PHF20L1: variants seen among roughly 807,000 people sequenced by gnomAD.
PHF20L1 encodes the protein PHD finger protein 20 like 1, also known as PHD finger protein 20-like protein 1.
Under a neutral mutation model 125.5 loss-of-function variants are expected in PHF20L1, and 44 were observed. The observed-to-expected ratio is 0.35, with a 90% CI of 0.28 to 0.45. The LOEUF (loss-of-function observed/expected upper bound fraction) is 0.45. Ranked by LOEUF, PHF20L1 falls within the 20% of genes least tolerant of loss-of-function variation. PHF20L1 has a pLI of 1.00. For synonymous variants in PHF20L1, 380 were observed against 403.1 expected (o/e 0.94, Z 0.69); for missense variants, 1,012 against 1,217.2 (o/e 0.83, Z 2.51).
intron 14 of PHF20L1, among the ~76,000 whole-genome samples, chr8:132,829,447 G>C (rs974354581): frequency 6.6e-6 from 1 of 152,078 alleles, no homozygotes; most frequent in Non-Finnish European, 1.5e-5. Context: ...TCATTGTAAA[G>C]TACTTGATAC....
At chr8:132,824,784 A>T (rs1486475094) in intron 13 of PHF20L1, 1 of 188,580 alleles carries the variant, frequency 5.3e-6, no homozygotes, top group African/African-American at 2.3e-5. Context: ...CACACAAAGA[A>T]TGTAAATAAA....
At chr8:132,788,078 T>C (rs1387201100) in intron 2 of PHF20L1, among the ~76,000 whole-genome samples, 1 of 152,126 alleles carries the variant, frequency 6.6e-6, no homozygotes, top group Non-Finnish European at 1.5e-5. Context: ...GTTTAAGTCA[T>C]ATTTTAGGTG....
chr8:132,802,793 G>A (rs572448386), intron 6 of PHF20L1, among the ~76,000 whole-genome samples: 18 of 151,624 alleles, frequency 1.2e-4, no homozygotes, highest in African/African-American at 1.7e-4. Context: ...TTTTATTAAC[G>A]TATTTTGCTT....
At chr8:132,831,752 A>G (rs1836803742) in intron 14 of PHF20L1, among the ~76,000 whole-genome samples, 2 of 152,022 alleles carry the variant, frequency 1.3e-5, no homozygotes, top group Non-Finnish European at 2.9e-5. Context: ...TTACACAGGT[A>G]AATGTGTGCC....
chr8:132,803,748 T>C lies in PHF20L1; in HGVS notation c.508-71T>C, dbSNP rs755835813. On this transcript the variant is annotated intron_variant, in intron 6 of 20. Coordinates refer to ENST00000395386, the MANE Select transcript of PHF20L1 (RefSeq NM_016018.5). Reference sequence around the variant, plus strand: ...AAAGTAGCTTTGAAAATGTGACACATATTTTTATTAGTGTAATTACATTTT... The same window carrying C: ...AAAGTAGCTTTGAAAATGTGACACACATTTTTATTAGTGTAATTACATTTT... 63 of 784,218 alleles carry C rather than the reference T, an allele frequency of 8.0e-5. No homozygotes were observed. The African/African-American group carries it at 1.1e-3, about 13-fold the overall frequency. 48.6% of individuals were successfully genotyped at this position (784,218 alleles called of 1,614,324 possible).
At position 132,843,537 on chromosome 8, in the gene PHF20L1, G is replaced by T. The variant is rs559545837; in HGVS notation, c.2749-619G>T. The T allele has an allele frequency of 4.1e-6, 4 of 984,332 alleles. No individual in the cohort carries two copies. In the South Asian group the frequency reaches 1.4e-4, roughly 35 times the overall value. 61.0% of individuals were successfully genotyped at this position (984,332 alleles called of 1,614,324 possible). ...TGTATTTCGTATCATAAAGTTTGTGGTAAGTTATTTTGTTTAATTAATATC... is the reference window on the plus strand; with the variant it reads ...TGTATTTCGTATCATAAAGTTTGTGTTAAGTTATTTTGTTTAATTAATATC... On this transcript the variant is annotated intron_variant, in intron 19 of 20. Transcript: ENST00000395386.
chr8:132,835,787 C>A (rs1163228969), intron 15 of PHF20L1, among the ~76,000 whole-genome samples: 1 of 152,014 alleles, frequency 6.6e-6, no homozygotes, highest in Non-Finnish European at 1.5e-5. Context: ...TTGGTTTTCC[C>A]ACTCCATGGC....
chr8:132,842,553 C>G lies in PHF20L1; in HGVS notation c.2426C>G (p.Ser809Cys), dbSNP rs1254935497. 1 of 1,609,744 alleles carries G rather than the reference C, an allele frequency of 6.2e-7. No individual in the cohort carries two copies. Among genetic ancestry groups the G allele is most frequent in the East Asian group, 2.2e-5 (1 of 44,800 alleles). ...HHPDLHLWAC[S>C]GKRKDQDQII... ...CCTGACCTTCATCTCTGGGCTTGTT[C>G]CGGGAAGCGAAAAGACCAAGATCAA... The change falls in exon 19 of 21, where the codon TCC becomes TGC. Residue 809 changes from serine to cysteine, a missense_variant. Coordinates refer to ENST00000395386, the MANE Select transcript of PHF20L1 (RefSeq NM_016018.5).
intron 2 of PHF20L1, among the ~76,000 whole-genome samples, chr8:132,788,584 A>G (rs1360416197): frequency 2.2e-5 from 3 of 135,818 alleles, no homozygotes; most frequent in Non-Finnish European, 4.8e-5. Flanking sequence ...TTCCCTTGTC[A>G]TTTTCTCATG....
chr8:132,845,121 A>G (rs1305616861), intron 20 of PHF20L1, among the ~76,000 whole-genome samples: 1 of 152,040 alleles, frequency 6.6e-6, no homozygotes, highest in Non-Finnish European at 1.5e-5. Flanking sequence ...TTTTGAGTCC[A>G]TGTTTGAAGA....
chr8:132,840,105 T>G (rs1837779136), intron 18 of PHF20L1, among the ~76,000 whole-genome samples: 1 of 152,106 alleles, frequency 6.6e-6, no homozygotes, highest in South Asian at 2.1e-4. Flanking sequence ...ATTCTTGAAG[T>G]CCTTATTTCC....
At chr8:132,796,688 GTACACT>G (rs1044978567) in intron 4 of PHF20L1, among the ~76,000 whole-genome samples, 27 of 152,090 alleles carry the variant, frequency 1.8e-4, no homozygotes, top group African/African-American at 6.3e-4. Flanking sequence ...GTATTTCCCT[GTACACT>G]TACACTTCTG....
chr8:132,804,566 T>C (rs554363578), intron 7 of PHF20L1, 49 bp from the exon 8 acceptor site: 1 of 1,474,544 alleles, frequency 6.8e-7, no homozygotes, highest in East Asian at 2.3e-5. Context: ...TCATGTGTTT[T>C]AATTTGGATT....
chr8:132,811,382 G>T (rs1415941260), intron 9 of PHF20L1: 2 of 1,150,064 alleles, frequency 1.7e-6, no homozygotes, highest in Admixed American at 8.6e-5. Context: ...GCATCCCAGG[G>T]TATAAGCTTC....
rs771556055 is a variant in PHF20L1, at chr8:132,814,690, T to G, written c.984T>G (p.Ser328Arg). The G allele has an allele frequency of 6.2e-7, 1 of 1,611,866 alleles. No individual in the cohort carries two copies. The highest frequency in any genetic ancestry group is 8.5e-7 in the Non-Finnish European group (1 of 1,178,484). The change falls in exon 10 of 21, where the codon AGT becomes AGG. Residue 328 changes from serine (S) to arginine (R), a missense_variant. Transcript: ENST00000395386. ...AAAAAAATGAAGCTGACATTAGCAGTTCTGCCAACACTCAGAAACCTGCAC... is the reference window on the plus strand; with the variant it reads ...AAAAAAATGAAGCTGACATTAGCAGGTCTGCCAACACTCAGAAACCTGCAC... ...SQKKNEADIS[S>R]SANTQKPALL...
rs780831477 is a variant in PHF20L1, at chr8:132,823,993, C to G, written c.1580-11C>G. 2.6e-6 allele frequency: 4 copies of G among 1,554,780 alleles called. No individual in the cohort carries two copies. The highest frequency in any genetic ancestry group is 3.5e-6 in the Non-Finnish European group (4 of 1,134,248). ...CTGATTAAACTTACATATTTTTCCC[C>G]TAACCCACAGGAATATCGAAAACAG... On this transcript the variant is annotated splice_polypyrimidine_tract_variant and intron_variant, in intron 12 of 20. Transcript: ENST00000395386.
In PHF20L1 at chr8:132,824,040, A is replaced by C. The variant is rs1429894033; in HGVS notation, c.1616A>C (p.Asp539Ala). Residue 539 changes from aspartate (D) to alanine (A), a missense_variant, in exon 13 of 21, where the codon GAC (aspartate) becomes GCC (alanine). Asp to Ala is a moderately radical substitution (Grantham distance 126). Around this residue, in one of 7 missense-constraint regions of PHF20L1, gnomAD observed 320 missense variants for 293.8 expected, o/e 1.09. Transcript: ENST00000395386. ...ACAGAAAAAAAAGTGAAATTGGAAG[A>C]CAAAAGCTCAACAGCATTTGGTATG... The part of the protein sequence containing the change: ...SKTEKKVKLE[D>A]KSSTAFGKRK... 1 of 1,600,996 alleles carries C rather than the reference A, an allele frequency of 6.2e-7. No homozygotes were observed. The highest frequency in any genetic ancestry group is 8.5e-7 in the Non-Finnish European group (1 of 1,170,206).
intron 2 of PHF20L1, among the ~76,000 whole-genome samples, chr8:132,789,216 A>G (rs1831393129): frequency 6.6e-6 from 1 of 152,176 alleles, no homozygotes; most frequent in African/African-American, 2.4e-5. Flanking sequence ...TTCTGTTCTT[A>G]TGAGATTATG....
chr8:132,781,166 T>C (rs189426805), intron 2 of PHF20L1, among the ~76,000 whole-genome samples: 1 of 152,240 alleles, frequency 6.6e-6, no homozygotes, highest in East Asian at 1.9e-4. Context: ...GTTTCTGGTA[T>C]GTGTCTAGAC....
Sources: allele counts gnomAD v4.1 joint callset (sites outside exome capture counted in the v4.1 genomes callset), GRCh38; gene constraint gnomAD v4.1.1; regional missense constraint gnomAD v4.1.1; transcripts MANE v1.5; gene names NCBI Gene and HGNC (gene_info 2026-07-23, HGNC 2026-07-21).